Variants in ABCC1 observed in about 807,000 individuals in gnomAD.
ABCC1 encodes the protein multidrug resistance-associated protein 1.
ABCC1 carries 83 observed loss-of-function variants against 172.9 expected under a neutral mutation model. The ratio of observed to expected loss-of-function variants is 0.48; its 90% CI spans 0.40 to 0.58. ABCC1 has a LOEUF of 0.58. Among genes scored for constraint, ABCC1 ranks in the 20% least tolerant of loss-of-function variants. ABCC1 has a pLI of 0.00. For missense variants in ABCC1, 1,817 were observed against 2,002.7 expected (o/e 0.91, Z 1.77); for synonymous variants, 937 against 825.2 (o/e 1.14, Z -2.32).
intron 1 of ABCC1, among the ~76,000 whole-genome samples, chr16:15,985,211 C>A (rs2046716116): frequency 6.6e-6 from 1 of 152,228 alleles, no homozygotes; most frequent in Non-Finnish European, 1.5e-5. Flanking sequence ...TCCTAAGCAG[C>A]TCCACTGTGG....
chr16:16,123,494 G>C (rs1039953380), intron 24 of ABCC1, among the ~76,000 whole-genome samples: 1 of 151,846 alleles, frequency 6.6e-6, no homozygotes, highest in Non-Finnish European at 1.5e-5. Flanking sequence ...AAAATTAGCC[G>C]GGCATGATGG....
intron 5 of ABCC1, among the ~76,000 whole-genome samples, chr16:16,032,041 A>T (rs1410397740): frequency 6.6e-6 from 1 of 152,186 alleles, no homozygotes; most frequent in Non-Finnish European, 1.5e-5. Context: ...GCCAGGCTGT[A>T]GTGCAGTCGT....
At chr16:16,019,380 A>T (rs989123005) in intron 5 of ABCC1, among the ~76,000 whole-genome samples, 1 of 152,154 alleles carries the variant, frequency 6.6e-6, no homozygotes, top group Admixed American at 6.5e-5. Flanking sequence ...TTGGGATTAC[A>T]GGTGTGAGCC....
intron 19 of ABCC1, among the ~76,000 whole-genome samples, chr16:16,101,678 G>C (rs45524631): frequency 6.6e-6 from 1 of 152,134 alleles, no homozygotes; most frequent in South Asian, 2.1e-4. Flanking sequence ...CAAAGAATGA[G>C]GCAGTCAGTG....
intron 20 of ABCC1, among the ~76,000 whole-genome samples, chr16:16,104,510 C>G (rs61314297): frequency 0.036 from 5,537 of 152,272 alleles, 347 homozygotes; most frequent in African/African-American, 0.13. Context: ...AAACCTTGAG[C>G]TAGATACAGA....
chr16:15,988,075 A>G (rs2046781473), intron 1 of ABCC1, among the ~76,000 whole-genome samples: 1 of 152,162 alleles, frequency 6.6e-6, no homozygotes, highest in South Asian at 2.1e-4. Context: ...CTCGTGCCTC[A>G]GCCTCCTGAG....
upstream of ABCC1, chr16:15,949,516 C>G (rs1339153151): frequency 7.2e-5 from 3 of 41,830 alleles, no homozygotes; most frequent in African/African-American, 2.9e-4. Flanking sequence ...GCGAGGTGAG[C>G]GGGCGCCGGG....
Position 16,066,943 on chromosome 16 carries a change from C to A in ABCC1, c.1678-1213C>A, listed in dbSNP as rs565358624. Among the ~76,000 whole-genome samples, 254 of 151,218 alleles carry A rather than the reference C, an allele frequency of 1.7e-3. 1 individual carries two copies. In the Middle Eastern group the frequency reaches 0.045, roughly 27 times the overall value. On this transcript the variant is annotated intron_variant, in intron 12 of 30. Coordinates refer to ENST00000399410, the MANE Select transcript of ABCC1 (RefSeq NM_004996.4). ...ATCTTTAGGTAAGATGCCAGTGTTG[C>A]GTTACCGCTTAGAAGATGGGAGCCA...
At position 15,949,915 on chromosome 16, in the gene ABCC1, G is replaced by T. The variant is rs1459606661; in HGVS notation, c.48+116G>T. The T allele has an allele frequency of 1.2e-5, 11 of 928,422 alleles. No individual in the cohort carries two copies. The East Asian group carries it at 5.2e-4, about 44-fold the overall frequency. The allele number at this position is 928,422 out of a possible 1,614,324, so 57.5% of individuals were successfully genotyped here. On this transcript the variant is annotated intron_variant, in intron 1 of 30. Transcript: ENST00000399410. ...GCTCCCCGCTCTGCTGCCGGCCTCG[G>T]GGGCCCGGGACCCTCACGTCGCCCG...
At chr16:16,104,100 C>CT (rs1448717386) in intron 20 of ABCC1, among the ~76,000 whole-genome samples, 1 of 152,152 alleles carries the variant, frequency 6.6e-6, no homozygotes, top group Admixed American at 6.5e-5. Context: ...AGGAGTGAAG[C>CT]TGTAGACCTT....
intron 1 of ABCC1, among the ~76,000 whole-genome samples, chr16:15,970,780 A>C (rs2046351401): frequency 6.6e-6 from 1 of 152,204 alleles, no homozygotes; most frequent in African/African-American, 2.4e-5. Context: ...TAATTTGTAC[A>C]GATGAGGTCT....
intron 4 of ABCC1, among the ~76,000 whole-genome samples, chr16:16,015,612 AG>A (rs1182865240): frequency 6.6e-6 from 1 of 152,246 alleles, no homozygotes; most frequent in African/African-American, 2.4e-5. Context: ...AGTGCCTCGC[AG>A]GGGACTGTGT....
rs541038677 is a variant in ABCC1, at chr16:16,079,334, T to A, written c.1989-18T>A. On this transcript the variant is annotated intron_variant, in intron 15 of 30. Transcript: ENST00000399410. ...CCTCATTCAGCGTGGCTGAGCCAGG[T>A]GTGTTGTGTCGTTTCAGCATCACCT... The A allele has an allele frequency of 6.2e-5, 100 of 1,612,286 alleles. No individual in the cohort carries two copies. The highest frequency in any genetic ancestry group is 8.0e-5 in the Non-Finnish European group (94 of 1,178,948).
chr16:16,104,241 G>A lies in ABCC1; in HGVS notation c.2735+1524G>A, dbSNP rs1311175069. Among the ~76,000 whole-genome samples the A allele has an allele frequency of 1.3e-5, 2 of 152,144 alleles. 1 individual carries two copies. Among genetic ancestry groups the A allele is most frequent in the African/African-American group, 4.8e-5 (2 of 41,418 alleles). On this transcript the variant is annotated intron_variant, in intron 20 of 30. Transcript: ENST00000399410. ...GTACCCCAGTAGGTGGCCACTGCTG[G>A]CTCTGGCAGCCAGCTTTTATTCTCT...
At chr16:16,111,348 A>G (rs1341862629) in intron 21 of ABCC1, 27 bp from the exon 22 acceptor site, 3 of 1,608,058 alleles carry the variant, frequency 1.9e-6, no homozygotes, top group African/African-American at 1.3e-5. Flanking sequence ...GCATGTGCTA[A>G]GCTGCCTTAT....
At chr16:16,002,133 C>T (rs2047336706) in intron 1 of ABCC1, among the ~76,000 whole-genome samples, 1 of 152,142 alleles carries the variant, frequency 6.6e-6, no homozygotes, top group Non-Finnish European at 1.5e-5. Flanking sequence ...CGATGGAAGT[C>T]AAGTTCATCC....
intron 15 of ABCC1, among the ~76,000 whole-genome samples, chr16:16,077,017 G>A (rs2050602184): frequency 6.6e-6 from 1 of 152,074 alleles, no homozygotes; most frequent in Non-Finnish European, 1.5e-5. Flanking sequence ...ACCCTTTCTT[G>A]CCAGCTTTCT....
At chr16:16,019,979 A>G (rs1468865908) in intron 5 of ABCC1, among the ~76,000 whole-genome samples, 2 of 152,172 alleles carry the variant, frequency 1.3e-5, no homozygotes, top group Non-Finnish European at 1.5e-5. Context: ...GCTGTAGTGC[A>G]GTGGCATGAT....
chr16:16,041,009 C>T lies in ABCC1; in HGVS notation c.810-3441C>T, dbSNP rs2048958105. The stretch of plus-strand genomic sequence containing the variant: ...GTGGCACGATCTCGGCTCACTGCAA[C>T]CTCCATCTCCTAGGCTGGAGTGATC... On this transcript the variant is annotated intron_variant, in intron 7 of 30. Coordinates refer to ENST00000399410, the MANE Select transcript of ABCC1 (RefSeq NM_004996.4). 2.0e-5 allele frequency among the ~76,000 whole-genome samples: 3 copies of T among 152,054 alleles called. No homozygotes were observed. In the South Asian group the frequency reaches 6.2e-4, roughly 32 times the overall value.
Sources: gnomAD v4.1 joint callset for allele counts (sites outside exome capture counted in the v4.1 genomes callset) on GRCh38, gnomAD v4.1.1 for gene constraint, MANE v1.5 for transcripts, NCBI Gene and HGNC (gene_info 2026-07-23, HGNC 2026-07-21) for gene names.